The following GAGE10 variants were observed in gnomAD, a reference collection of about 807,000 sequenced individuals.
GAGE10 encodes G antigen 10.
In GAGE10, 9 loss-of-function variants were observed where a neutral mutation model predicts 11.5. The ratio of observed to expected loss-of-function variants is 0.78; its 90% CI spans 0.47 to 1.37. The LOEUF (loss-of-function observed/expected upper bound fraction) is 1.37, where lower values mean the gene tolerates loss of function less well. Among genes scored for constraint, GAGE10 ranks in the 40% most tolerant of loss-of-function variants. The probability of loss-of-function intolerance (pLI) is 0.00; values close to 1 mark genes in which losing one functional copy is unlikely to be tolerated. For missense variants in GAGE10, 83 were observed against 92.9 expected, an observed-to-expected ratio of 0.89 and a Z score of 0.44; for synonymous variants, 23 against 29.7, an observed-to-expected ratio of 0.77 and a Z score of 0.73.
chrX:49,308,419 A>G (rs1316292534), intron 3 of GAGE10, among the ~76,000 whole-genome samples: 1 of 112,070 alleles, frequency 8.9e-6, no homozygotes, highest in African/African-American at 3.2e-5. Context: ...CCGGCATCCC[A>G]GTGGCCTAGC....
intron 3 of GAGE10, among the ~76,000 whole-genome samples, chrX:49,307,362 G>T (rs1358221725): frequency 8.9e-6 from 1 of 112,126 alleles, no homozygotes; most frequent in South Asian, 3.7e-4. Flanking sequence ...GTAATTCCTT[G>T]GTCATCACTG....
Position 49,305,874 on chromosome X carries a change from C to A in GAGE10, c.202+350C>A, listed in dbSNP as rs1488401825. Among the ~76,000 whole-genome samples, 9 of 111,161 alleles carry A rather than the reference C, an allele frequency of 8.1e-5. No homozygotes were observed. In the South Asian group the frequency reaches 1.1e-3, roughly 14 times the overall value. On this transcript the variant is annotated intron_variant, in intron 3 of 4. Coordinates refer to ENST00000407599, the MANE Select transcript of GAGE10 (RefSeq NM_001098413.4). ...CCTACCATCTATGTTGCTGTAAAAA[C>A]GGAAATGATTTTGCTGAAAATGCTT...
At chrX:49,304,336 G>T (rs1205944917) in intron 1 of GAGE10, among the ~76,000 whole-genome samples, 9 of 112,929 alleles carry the variant, frequency 8.0e-5, no homozygotes, top group African/African-American at 2.6e-4. Context: ...TGATTTGAGA[G>T]AAGTGAATGG....
chrX:49,307,788 G>A (rs2066362801), intron 3 of GAGE10, among the ~76,000 whole-genome samples: 1 of 112,381 alleles, frequency 8.9e-6, no homozygotes, highest in East Asian at 2.7e-4. Flanking sequence ...GATGGAACAG[G>A]AATTAAAAGA....
At position 49,304,871 on chromosome X, in the gene GAGE10, A is replaced by G. The variant is rs1244904133; in HGVS notation, c.12A>G (p.Arg4=). Residue 4 remains arginine, a synonymous_variant, in exon 2 of 5, where the codon CGA becomes CGG. Coordinates refer to ENST00000407599, the MANE Select transcript of GAGE10 (RefSeq NM_001098413.4). ...TTTCAGTGTGAAATATGAGTTGGCG[A>G]GGAAGATCGACCTATCGGCCTAGAC... is the stretch of plus-strand genomic sequence containing the variant. MSW[R]GRSTYRPRPR... 1 of 1,207,127 alleles carries G rather than the reference A, an allele frequency of 8.3e-7. No individual in the cohort carries two copies. The highest frequency in any genetic ancestry group is 1.1e-6 in the Non-Finnish European group (1 of 892,801).
intron 3 of GAGE10, among the ~76,000 whole-genome samples, chrX:49,306,082 G>A (rs1557124091): frequency 1.8e-5 from 2 of 111,992 alleles, no homozygotes; most frequent in Non-Finnish European, 3.8e-5. Flanking sequence ...CATACAGGTA[G>A]CTGGTTTAGT....
intron 2 of GAGE10, among the ~76,000 whole-genome samples, 154 bp downstream of exon 2, chrX:49,305,094 A>ATT (rs782155420): frequency 1.8e-5 from 2 of 111,922 alleles, no homozygotes; most frequent in African/African-American, 3.3e-5. Flanking sequence ...ATTCTGGAGA[A>ATT]TTTTTTTTCC....
intron 4 of GAGE10, among the ~76,000 whole-genome samples, chrX:49,319,251 T>G (rs2066406364): frequency 9.0e-6 from 1 of 110,896 alleles, no homozygotes; most frequent in African/African-American, 3.3e-5. Flanking sequence ...GCCTGTGCTA[T>G]GCATGCTCCC....
intron 1 of GAGE10, among the ~76,000 whole-genome samples, 180 bp downstream of exon 1, chrX:49,303,933 G>A (rs782669077): frequency 1.8e-5 from 2 of 111,955 alleles, no homozygotes; most frequent in East Asian, 5.6e-4. Context: ...GGGCCTTGAG[G>A]TCGTCCTCCT....
chrX:49,314,548 C>T (rs1203119224), intron 3 of GAGE10, among the ~76,000 whole-genome samples: 9 of 112,575 alleles, frequency 8.0e-5, no homozygotes, highest in Non-Finnish European at 1.3e-4. Flanking sequence ...TTCTCGTCTA[C>T]AGGACAGACA....
At chrX:49,311,155 C>T (rs782306447) in intron 3 of GAGE10, among the ~76,000 whole-genome samples, 1 of 111,695 alleles carries the variant, frequency 9.0e-6, no homozygotes. Context: ...GCAAACAGAC[C>T]CCTGGTGGTA....
chrX:49,316,727 T>G (rs782240559), intron 3 of GAGE10, among the ~76,000 whole-genome samples: 1 of 112,205 alleles, frequency 8.9e-6, no homozygotes, highest in African/African-American at 3.2e-5. Context: ...ACCAGTTGGT[T>G]TCCAGAATGT....
rs2066396469 is a variant in GAGE10 at position 49,317,282 on chromosome X, G to A, written c.322G>A (p.Glu108Lys). ...AAATCCAGAGGAGGTGAAAAGGCCT[G>A]AAGAAGGTAGGGAATCCATTAGGCA... ...LPNPEEVKRP[E>K]EGEKQSQC Residue 108 changes from glutamate (E) to lysine (K), a missense_variant, in exon 4 of 5, where the codon GAA (glutamate) becomes AAA (lysine). By Grantham distance (56) the Glu-to-Lys change is moderately conservative. Around this residue, in one of 3 missense-constraint regions of GAGE10, gnomAD observed 66 missense variants for 35.4 expected, o/e 1.87. Transcript: ENST00000407599. 8.3e-7 allele frequency: 1 copy of A among 1,203,261 alleles called. No individual in the cohort carries two copies. The highest frequency in any genetic ancestry group is 2.2e-5 in the Admixed American group (1 of 45,466).
At chrX:49,304,005 G>A (rs1321717075) in intron 1 of GAGE10, among the ~76,000 whole-genome samples, 10 of 112,104 alleles carry the variant, frequency 8.9e-5, no homozygotes, top group Non-Finnish European at 1.7e-4. Context: ...GGACAAGGAG[G>A]AAGGTGGGCC....
chrX:49,306,019 T>C (rs1345131199), intron 3 of GAGE10, among the ~76,000 whole-genome samples: 1 of 111,798 alleles, frequency 8.9e-6, no homozygotes, highest in African/African-American at 3.3e-5. Context: ...TTTCCTTTGA[T>C]TGATGTTTTT....
At chrX:49,317,058 A>G (rs1332402959) in intron 3 of GAGE10, 105 bp from the exon 4 acceptor site, 2 of 938,257 alleles carry the variant, frequency 2.1e-6, no homozygotes, top group Non-Finnish European at 2.9e-6. Flanking sequence ...TTATTATTAT[A>G]CTAGCTAAAG....
intron 1 of GAGE10, among the ~76,000 whole-genome samples, chrX:49,304,492 G>A (rs2147983658): frequency 8.8e-6 from 1 of 113,202 alleles, no homozygotes; most frequent in East Asian, 2.8e-4. Flanking sequence ...TGTAGTCCCA[G>A]TTACTCGGGA....
intron 3 of GAGE10, among the ~76,000 whole-genome samples, chrX:49,308,236 C>T (rs1284291458): frequency 4.5e-5 from 5 of 112,239 alleles, no homozygotes; most frequent in African/African-American, 6.5e-5. Context: ...CTCAACCCCT[C>T]GGTCTCTCTG....
In GAGE10 at chrX:49,304,706, A is replaced by C. The variant is rs782038285; in HGVS notation, c.-8-146A>C. On this transcript the variant is annotated intron_variant, in intron 1 of 4. Coordinates refer to ENST00000407599, the MANE Select transcript of GAGE10 (RefSeq NM_001098413.4). ...ATAAGTGGCTTTGTAGGCACTCAGA[A>C]AAGGTACACACATATGCTTAACTCT... The C allele has an allele frequency of 3.1e-3, 2,545 of 825,946 alleles. 36 individuals carry two copies. In the African/African-American group the frequency reaches 0.045, roughly 15 times the overall value. 68.1% of individuals were successfully genotyped at this position (825,946 alleles called of 1,213,427 possible). A position where few individuals can be genotyped will look rare whatever the true frequency, so the allele number is the denominator to read the frequency against.
Sources: gnomAD v4.1 joint callset for allele counts (sites outside exome capture counted in the v4.1 genomes callset) on GRCh38, gnomAD v4.1.1 for gene constraint, gnomAD v4.1.1 regional missense constraint, MANE v1.5 for transcripts, NCBI Gene and HGNC (gene_info 2026-07-23, HGNC 2026-07-21) for gene names.